Variants in GUCY2C observed in about 807,000 individuals in gnomAD.
The protein encoded by GUCY2C is guanylyl cyclase C.
In GUCY2C, 118 loss-of-function variants were observed where a neutral mutation model predicts 131.1. The observed-to-expected ratio is 0.90, with a 90% CI of 0.78 to 1.05. The LOEUF (loss-of-function observed/expected upper bound fraction) is 1.05, where lower values mean the gene tolerates loss of function less well. GUCY2C is among the 50% of genes least tolerant of loss of function. GUCY2C has a pLI of 0.00. For synonymous variants in GUCY2C, 452 were observed against 457.8 expected (o/e 0.99, Z 0.16); for missense variants, 1,161 against 1,304.4 (o/e 0.89, Z 1.69).
intron 13 of GUCY2C, among the ~76,000 whole-genome samples, chr12:14,652,695 T>A (rs1947687595): frequency 6.6e-6 from 1 of 152,152 alleles, no homozygotes; most frequent in South Asian, 2.1e-4. Flanking sequence ...ACTCTGAATA[T>A]CTTTGATATT....
intron 21 of GUCY2C, among the ~76,000 whole-genome samples, chr12:14,623,532 T>C (rs772292858): frequency 6.6e-6 from 1 of 152,248 alleles, no homozygotes; most frequent in Admixed American, 6.5e-5. Flanking sequence ...GCTGCATAGA[T>C]GCAATGACAA....
chr12:14,617,402 T>G (rs1565603047), intron 24 of GUCY2C, among the ~76,000 whole-genome samples: 1 of 152,154 alleles, frequency 6.6e-6, no homozygotes, highest in Non-Finnish European at 1.5e-5. Context: ...AGATTCTCAT[T>G]CCAGCTCAGA....
rs766509154 is a variant in GUCY2C, at chr12:14,616,628, C to T, written c.2970+5G>A. On this transcript the variant is annotated splice_donor_5th_base_variant and intron_variant, in intron 25 of 26. Transcript: ENST00000261170. ...TCCTATGCATTGTCTCTGTGGACTCCTTACCTTTAAGTATGTTTCTCCTCT... is the reference window on the plus strand; with the variant it reads ...TCCTATGCATTGTCTCTGTGGACTCTTTACCTTTAAGTATGTTTCTCCTCT... 4.0e-6 allele frequency: 6 copies of T among 1,511,716 alleles called. No individual in the cohort carries two copies. The highest frequency in any genetic ancestry group is 4.6e-6 in the Non-Finnish European group (5 of 1,086,764). The allele number at this position is 1,511,716 out of a possible 1,614,324, so 93.6% of individuals were successfully genotyped here.
At chr12:14,624,653 G>A (rs6488701) in intron 21 of GUCY2C, among the ~76,000 whole-genome samples, 8,306 of 152,036 alleles carry the variant, frequency 0.055, 755 homozygotes, top group African/African-American at 0.19. Flanking sequence ...TTTATCTTGC[G>A]CATAAAATTT....
Position 14,672,970 on chromosome 12 carries a change from T to G in GUCY2C, c.1085-12A>C. On this transcript the variant is annotated splice_polypyrimidine_tract_variant and intron_variant, in intron 8 of 26. Transcript: ENST00000261170. ...TGGACCGTCATACCCTAGGGCAAGA[T>G]CAGAGTATGTTAGAGGCCATTCTTG... The G allele has an allele frequency of 6.6e-7, 1 of 1,516,312 alleles. No homozygotes were observed. Among genetic ancestry groups the G allele is most frequent in the African/African-American group, 1.4e-5 (1 of 73,128 alleles). 93.9% of individuals were successfully genotyped at this position (1,516,312 alleles called of 1,614,324 possible). A position where few individuals can be genotyped will look rare whatever the true frequency, so the allele number is the denominator to read the frequency against.
At chr12:14,685,945 G>A (rs1948459521) in intron 3 of GUCY2C, among the ~76,000 whole-genome samples, 1 of 152,058 alleles carries the variant, frequency 6.6e-6, no homozygotes. Context: ...TTTCTCTCAA[G>A]GTCAGATGTT....
chr12:14,662,553 G>A (rs1006537168), intron 10 of GUCY2C, among the ~76,000 whole-genome samples: 8 of 151,776 alleles, frequency 5.3e-5, no homozygotes, highest in African/African-American at 1.9e-4. Context: ...GTGGGTGCCT[G>A]TAATCCCAGC....
At chr12:14,689,766 G>T (rs1230051707) in intron 1 of GUCY2C, among the ~76,000 whole-genome samples, 15 of 152,090 alleles carry the variant, frequency 9.9e-5, no homozygotes, top group African/African-American at 3.6e-4. Context: ...TTATCAATGG[G>T]TATGATTGTT....
intron 11 of GUCY2C, among the ~76,000 whole-genome samples, chr12:14,657,326 C>G (rs993163727): frequency 1.3e-5 from 2 of 152,130 alleles, no homozygotes; most frequent in African/African-American, 4.8e-5. Context: ...CACCAGATCC[C>G]TAAATAAGCC....
chr12:14,670,483 G>T lies in GUCY2C; in HGVS notation c.1171-650C>A, dbSNP rs577650852. The stretch of plus-strand genomic sequence containing the variant: ...TCCTTAAATTACTGCTGCATATATT[G>T]AGTCAATTTTGTAAGGGAGATCTGA... On this transcript the variant is annotated intron_variant, in intron 9 of 26. Transcript: ENST00000261170. 4.7e-4 allele frequency among the ~76,000 whole-genome samples: 71 copies of T among 152,110 alleles called. 1 individual carries two copies. In the South Asian group the frequency reaches 6.5e-3, roughly 14 times the overall value.
At chr12:14,688,458 C>T (rs1262297639) in intron 1 of GUCY2C, among the ~76,000 whole-genome samples, 1 of 152,124 alleles carries the variant, frequency 6.6e-6, no homozygotes, top group African/African-American at 2.4e-5. Context: ...CAGCAGGTCT[C>T]CTGTATGGAC....
At chr12:14,667,467 A>G (rs945123807) in intron 10 of GUCY2C, among the ~76,000 whole-genome samples, 4 of 152,100 alleles carry the variant, frequency 2.6e-5, no homozygotes, top group Admixed American at 6.6e-5. Context: ...CCCCTCCCTC[A>G]TTTCGTTAAT....
intron 18 of GUCY2C, among the ~76,000 whole-genome samples, chr12:14,640,664 T>C (rs368862249): frequency 5.9e-5 from 9 of 152,038 alleles, no homozygotes; most frequent in East Asian, 5.8e-4. Context: ...TAAGTGAGGA[T>C]TGAATGAATG....
intron 1 of GUCY2C, among the ~76,000 whole-genome samples, chr12:14,694,725 C>G (rs546897238): frequency 6.6e-6 from 1 of 152,198 alleles, no homozygotes; most frequent in Non-Finnish European, 1.5e-5. Flanking sequence ...ACAGAAGTAA[C>G]TTATTATTCA....
At chr12:14,674,959 C>T (rs1252587762) in intron 7 of GUCY2C, among the ~76,000 whole-genome samples, 199 bp from the exon 8 acceptor site, 1 of 151,922 alleles carries the variant, frequency 6.6e-6, no homozygotes, top group African/African-American at 2.4e-5. Flanking sequence ...TCTGTAAACC[C>T]AGCATTTTGG....
At chr12:14,661,340 A>G (rs939721956) in intron 10 of GUCY2C, among the ~76,000 whole-genome samples, 1 of 152,198 alleles carries the variant, frequency 6.6e-6, no homozygotes, top group Non-Finnish European at 1.5e-5. Flanking sequence ...ACACAAACAT[A>G]AAATAGTTTA....
intron 19 of GUCY2C, among the ~76,000 whole-genome samples, chr12:14,637,529 T>G (rs1010055664): frequency 4.6e-5 from 7 of 152,140 alleles, no homozygotes; most frequent in African/African-American, 1.7e-4. Context: ...ATTACCTGAT[T>G]TCAAAATGTT....
intron 17 of GUCY2C, 57 bp downstream of exon 17, chr12:14,643,517 A>G (rs1321975361): frequency 7.1e-6 from 11 of 1,541,948 alleles, no homozygotes; most frequent in Non-Finnish European, 9.9e-6. Context: ...ACCACGCTAC[A>G]TGGGTTTGAA....
intron 24 of GUCY2C, among the ~76,000 whole-genome samples, chr12:14,618,553 T>C (rs769446998): frequency 6.6e-6 from 1 of 151,920 alleles, no homozygotes; most frequent in Non-Finnish European, 1.5e-5. Flanking sequence ...AAAACGAATA[T>C]GCTTTGGGAG....
Sources: gnomAD v4.1 joint callset for allele counts (sites outside exome capture counted in the v4.1 genomes callset) on GRCh38, gnomAD v4.1.1 for gene constraint, MANE v1.5 for transcripts, NCBI Gene and HGNC (gene_info 2026-07-23, HGNC 2026-07-21) for gene names.